The following HVCN1 variants were observed in gnomAD, a reference collection of about 807,000 sequenced individuals.
The protein encoded by HVCN1 is voltage-gated hydrogen channel 1.
In HVCN1, 14 loss-of-function variants were observed where a neutral mutation model predicts 29.2. That is an observed-to-expected ratio of 0.48 (90% CI 0.32 to 0.75). HVCN1 has a LOEUF of 0.75. Among genes scored for constraint, HVCN1 ranks in the 30% least tolerant of loss-of-function variants. HVCN1 has a pLI of 0.04. For synonymous variants in HVCN1, 131 were observed against 133.2 expected (o/e 0.98, Z 0.11); for missense variants, 263 against 341.8 (o/e 0.77, Z 1.82).
Position 110,661,122 on chromosome 12 carries a change from C to G in HVCN1, c.306+42G>C. 2 of 1,548,010 alleles carry G rather than the reference C, an allele frequency of 1.3e-6. No homozygotes were observed. The highest frequency in any genetic ancestry group is 1.7e-6 in the Non-Finnish European group (2 of 1,144,382). On this transcript the variant is annotated intron_variant, in intron 4 of 7. Transcript: ENST00000242607. The surrounding 1 kb of genome is among the most constrained non-coding windows in gnomAD (Gnocchi z 6.2). ...GCCTGCCTCACATTCCCCGATGGCTCTCCTGCCAGCTCTGGGTATCCCGGA... is the reference window on the plus strand; with the variant it reads ...GCCTGCCTCACATTCCCCGATGGCTGTCCTGCCAGCTCTGGGTATCCCGGA...
Position 110,661,588 on chromosome 12 carries a change from C to A in HVCN1, c.22-140G>T. 1 of 728,178 alleles carries A rather than the reference C, an allele frequency of 1.4e-6. No individual in the cohort carries two copies. The allele number at this position is 728,178 out of a possible 1,614,324, so 45.1% of individuals were successfully genotyped here. On this transcript the variant is annotated intron_variant, in intron 3 of 7. Coordinates refer to ENST00000242607, the MANE Select transcript of HVCN1 (RefSeq NM_032369.4). The surrounding 1 kb of genome is among the most constrained non-coding windows in gnomAD (Gnocchi z 6.2). Reference sequence around the variant, plus strand: ...CCTGCAAGCAGAGACCATGAGGTCACGGTGGTTTCTCGTGCTTTTATTTTT... The same window carrying A: ...CCTGCAAGCAGAGACCATGAGGTCAAGGTGGTTTCTCGTGCTTTTATTTTT...
At chr12:110,653,757 G>A (rs954880450) in intron 5 of HVCN1, among the ~76,000 whole-genome samples, 4 of 152,152 alleles carry the variant, frequency 2.6e-5, no homozygotes, top group South Asian at 4.2e-4. Flanking sequence ...CAGGAGAATC[G>A]CTTGAACTCA....
exon 2 of HVCN1, chr12:110,702,348 G>A (rs2069572377): frequency 6.6e-6 from 1 of 152,170 alleles, no homozygotes; most frequent in Non-Finnish European, 1.5e-5. Flanking sequence ...GTGACACAGG[G>A]TCAGGAAGTT....
intron 2 of HVCN1, among the ~76,000 whole-genome samples, chr12:110,683,934 AAAAAG>A: frequency 1.3e-5 from 2 of 151,810 alleles, no homozygotes; most frequent in Admixed American, 1.3e-4. Context: ...AAGGAAAAAA[AAAAAG>A]AGAGAGAAAT....
chr12:110,686,068 G>A (rs1374500977), intron 2 of HVCN1, among the ~76,000 whole-genome samples: 2 of 151,602 alleles, frequency 1.3e-5, no homozygotes, highest in Non-Finnish European at 1.5e-5. Flanking sequence ...GTATGATCTC[G>A]GCTCACTGCA....
intron 1 of HVCN1, among the ~76,000 whole-genome samples, chr12:110,702,714 G>A (rs1451155969): frequency 3.3e-5 from 5 of 151,564 alleles, no homozygotes; most frequent in Non-Finnish European, 4.4e-5. Flanking sequence ...GAGTGCAATG[G>A]CACAATCTTG....
intron 1 of HVCN1, among the ~76,000 whole-genome samples, chr12:110,702,985 A>G (rs911514518): frequency 6.6e-6 from 1 of 151,824 alleles, no homozygotes; most frequent in African/African-American, 2.4e-5. Flanking sequence ...TCAGGGTTTC[A>G]CCATGTTGGC....
chr12:110,703,797 GTC>G (rs2069584042), intron 1 of HVCN1, among the ~76,000 whole-genome samples: 1 of 151,944 alleles, frequency 6.6e-6, no homozygotes, highest in African/African-American at 2.4e-5. Flanking sequence ...CGATTCTCGT[GTC>G]TCAGCCTCCC....
intron 4 of HVCN1, among the ~76,000 whole-genome samples, chr12:110,660,295 G>T (rs912391955): frequency 2.0e-5 from 3 of 152,236 alleles, no homozygotes; most frequent in Admixed American, 1.3e-4. Flanking sequence ...AGAATTGCTT[G>T]AACTCCACAG....
upstream of HVCN1, among the ~76,000 whole-genome samples, chr12:110,690,693 G>T (rs1439515688): frequency 6.6e-6 from 1 of 152,086 alleles, no homozygotes; most frequent in African/African-American, 2.4e-5. Flanking sequence ...GGTCAGACTG[G>T]TCTCGAACTC....
chr12:110,695,870 G>A (rs1343748312), intron 2 of HVCN1, among the ~76,000 whole-genome samples: 6 of 152,176 alleles, frequency 3.9e-5, no homozygotes, highest in African/African-American at 1.2e-4. Flanking sequence ...CTGGGGAGGA[G>A]GCCGGAGGCC....
chr12:110,649,007 G>A lies in HVCN1; in HGVS notation c.*403C>T. 2.1e-6 allele frequency: 1 copy of A among 465,648 alleles called. No homozygotes were observed. The highest frequency in any genetic ancestry group is 4.2e-6 in the Non-Finnish European group (1 of 238,160). The allele number at this position is 465,648 out of a possible 1,614,324, so 28.8% of individuals were successfully genotyped here. A position where few individuals can be genotyped will look rare whatever the true frequency, so the allele number is the denominator to read the frequency against. ...AAATAAGAGACTTTTCTAGAATGGG[G>A]TGGCAGCTAAAGTAGCTTCTTTTTC... On this transcript the variant is annotated 3_prime_UTR_variant, in exon 8 of 8. Coordinates refer to ENST00000242607, the MANE Select transcript of HVCN1 (RefSeq NM_032369.4).
intron 2 of HVCN1, among the ~76,000 whole-genome samples, chr12:110,699,259 G>T (rs762254286): frequency 6.6e-6 from 1 of 152,172 alleles, no homozygotes; most frequent in Non-Finnish European, 1.5e-5. Context: ...CGGCACACTC[G>T]CTGGGTCCCT....
intron 2 of HVCN1, among the ~76,000 whole-genome samples, chr12:110,701,968 G>A (rs954156709): frequency 1.3e-5 from 2 of 149,766 alleles, no homozygotes; most frequent in South Asian, 2.1e-4. Context: ...TTTTTGAGAC[G>A]GAGTTTCACT....
Position 110,661,530 on chromosome 12 carries a change from G to T in HVCN1, c.22-82C>A. The T allele has an allele frequency of 7.1e-7, 1 of 1,399,460 alleles. No homozygotes were observed. Among genetic ancestry groups the T allele is most frequent in the Non-Finnish European group, 9.8e-7 (1 of 1,015,800 alleles). The allele number at this position is 1,399,460 out of a possible 1,614,324, so 86.7% of individuals were successfully genotyped here. A position where few individuals can be genotyped will look rare whatever the true frequency, so the allele number is the denominator to read the frequency against. On this transcript the variant is annotated intron_variant, in intron 3 of 7. Coordinates refer to ENST00000242607, the MANE Select transcript of HVCN1 (RefSeq NM_032369.4). This position sits in a 1 kb window ranked among gnomAD's most constrained non-coding sequence, Gnocchi z 6.2. ...ATGGCCCAGGCCGGGCCAGGCCACT[G>T]CAGGTGAAGATGGTCCCGGGTGCGT...
chr12:110,695,334 A>G (rs533312756), intron 2 of HVCN1, among the ~76,000 whole-genome samples: 2 of 151,886 alleles, frequency 1.3e-5, no homozygotes, highest in Non-Finnish European at 1.5e-5. Context: ...TTGTATAATT[A>G]TAATTGTATA....
At chr12:110,681,173 T>C (rs1399448886) in intron 3 of HVCN1, among the ~76,000 whole-genome samples, 1 of 152,228 alleles carries the variant, frequency 6.6e-6, no homozygotes, top group Non-Finnish European at 1.5e-5. Context: ...GGTTTCAGCC[T>C]GTGTTACTTT....
rs754543385 is a variant in HVCN1, at chr12:110,651,307, C to T, written c.553G>A (p.Asp185Asn). ...TGCTCCTGGAACAGGAGGACAATGT[C>T]GAGGATGAATGAGACCACCACCACG... ...AVVVVVSFILDIVLLFQEHQF... is the reference protein window; with the variant it reads ...AVVVVVSFILNIVLLFQEHQF... Residue 185 changes from aspartate to asparagine, a missense_variant, in exon 6 of 8, where the codon GAC (aspartate) becomes AAC (asparagine). Physicochemically the swap from Asp to Asn is conservative, Grantham distance 23. This residue lies in a region of HVCN1 where 55 missense variants were observed against 109.4 expected (regional missense o/e 0.50). Transcript: ENST00000242607. The T allele has an allele frequency of 5.1e-5, 83 of 1,613,934 alleles. No individual in the cohort carries two copies. Among genetic ancestry groups the T allele is most frequent in the Non-Finnish European group, 6.3e-5 (74 of 1,179,990 alleles).
At chr12:110,651,077 G>A in intron 6 of HVCN1, 140 bp downstream of exon 6, 1 of 631,300 alleles carries the variant, frequency 1.6e-6, no homozygotes, top group Non-Finnish European at 2.8e-6. Context: ...GGAGGAGAGG[G>A]AGGTGAGGGG....
Sources: gnomAD v4.1 joint callset for allele counts (sites outside exome capture counted in the v4.1 genomes callset) on GRCh38, gnomAD v4.1.1 for gene constraint, gnomAD v4.1.1 regional missense constraint, Gnocchi (gnomAD v3.1) non-coding constraint, MANE v1.5 for transcripts, NCBI Gene and HGNC (gene_info 2026-07-23, HGNC 2026-07-21) for gene names.